Variants in FLNA observed in about 807,000 individuals in gnomAD.
FLNA encodes the protein filamin-A.
FLNA carries 7 observed loss-of-function variants against 157.6 expected under a neutral mutation model. The ratio of observed to expected loss-of-function variants is 0.04; its 90% confidence interval spans 0.03 to 0.08. The LOEUF (loss-of-function observed/expected upper bound fraction) is 0.08. Ranked by LOEUF, FLNA falls within the 10% of genes least tolerant of loss-of-function variation. The pLI, the probability that FLNA is intolerant of heterozygous loss-of-function variation, is 1.00. For missense variants in FLNA, 1,750 were observed against 2,398.4 expected (o/e 0.73, Z 5.65); for synonymous variants, 1,103 against 1,060.8 (o/e 1.04, Z -0.77).
Position 154,362,185 on chromosome X carries a change from C to T in FLNA, c.2657-37G>A, listed in dbSNP as rs1557178177. The T allele has an allele frequency of 3.3e-6, 4 of 1,209,162 alleles. No homozygotes were observed. In the South Asian group the frequency reaches 7.0e-5, roughly 21 times the overall value. ...ACAGGGACCATGTAGGGGCACCCTGCCCCAAGCCCTCCTACCCTTGATGCC... is the reference window on the plus strand; with the variant it reads ...ACAGGGACCATGTAGGGGCACCCTGTCCCAAGCCCTCCTACCCTTGATGCC... On this transcript the variant is annotated intron_variant, in intron 18 of 47. Transcript: ENST00000369850.
At chrX:154,356,262 C>T (rs941297556) in intron 30 of FLNA, among the ~76,000 whole-genome samples, 54 of 112,076 alleles carry the variant, frequency 4.8e-4, no homozygotes, top group African/African-American at 1.7e-3. Flanking sequence ...AGCCCCGTGG[C>T]CGTCAAGCTT....
chrX:154,353,760 T>C lies in FLNA; in HGVS notation c.5687-33A>G, dbSNP rs374066081. ...GAGCCGTGGGTGAGCATGGGAACTATGCTGGGGACACTCCAGTTGGCCTGC... is the reference window on the plus strand; with the variant it reads ...GAGCCGTGGGTGAGCATGGGAACTACGCTGGGGACACTCCAGTTGGCCTGC... On this transcript the variant is annotated intron_variant, in intron 35 of 47. Transcript: ENST00000369850. The C allele has an allele frequency of 5.8e-6, 7 of 1,200,619 alleles. No homozygotes were observed. The African/African-American group carries it at 8.7e-5, about 15-fold the overall frequency.
chrX:154,365,716 C>G (rs781886011), intron 9 of FLNA, among the ~76,000 whole-genome samples: 4 of 111,079 alleles, frequency 3.6e-5, no homozygotes, highest in East Asian at 5.7e-4. Flanking sequence ...CCACCCTCCC[C>G]CTTCCAAGAA....
At position 154,358,452 on chromosome X, in the gene FLNA, G is replaced by T; in HGVS notation, c.4591C>A (p.Pro1531Thr). 1 of 1,211,297 alleles carries T rather than the reference G, an allele frequency of 8.3e-7. No individual in the cohort carries two copies. The highest frequency in any genetic ancestry group is 1.1e-6 in the Non-Finnish European group (1 of 895,367). The change falls in exon 27 of 48, where the codon CCC becomes ACC. Residue 1531 changes from proline (P) to threonine (T), a missense_variant. By Grantham distance (38) the Pro-to-Thr change is conservative (BLOSUM62 -1). Transcript: ENST00000369850. Reference sequence around the variant, plus strand: ...GCAGGCCCTGCCTCTTACCTCCGGGGTACCTCTTCATCTCCATACAGTACT... The same window carrying T: ...GCAGGCCCTGCCTCTTACCTCCGGGTTACCTCTTCATCTCCATACAGTACT... The part of the protein sequence containing the change: ...ISVLYGDEEV[P>T]RSPFKVKVLP...
chrX:154,359,364 G>A lies in FLNA; in HGVS notation c.4185C>T (p.Pro1395=). 1 of 1,211,480 alleles carries A rather than the reference G, an allele frequency of 8.3e-7. No homozygotes were observed. Among genetic ancestry groups the A allele is most frequent in the Non-Finnish European group, 1.1e-6 (1 of 895,571 alleles). ...TGGLGLAVEG[P]SEAKMSCMDN... ...CCATGCAGGACATCTTGGCCTCGGA[G>A]GGGCCCTCTACAGCCAGGCCCAGGC... The change falls in exon 25 of 48, where the codon CCC becomes CCT. Residue 1395 remains proline (P), a synonymous_variant. Coordinates refer to ENST00000369850, the MANE Select transcript of FLNA (RefSeq NM_001110556.2).
intron 9 of FLNA, 63 bp from the exon 10 acceptor site, chrX:154,365,549 C>A: frequency 2.6e-6 from 3 of 1,169,318 alleles, no homozygotes; most frequent in South Asian, 1.8e-5. Context: ...CCTTGCCTCC[C>A]ACAGGGCCGG....
chrX:154,353,801 T>C (rs1557176294), intron 35 of FLNA, 74 bp from the exon 36 acceptor site: 1 of 1,192,850 alleles, frequency 8.4e-7, no homozygotes, highest in African/African-American at 1.8e-5. Context: ...GGAGCTCCGA[T>C]GGCCAGGGCA....
chrX:154,363,127 A>T (rs1352785125), intron 15 of FLNA, among the ~76,000 whole-genome samples: 1 of 112,556 alleles, frequency 8.9e-6, no homozygotes, highest in African/African-American at 3.2e-5. Flanking sequence ...CATAAAAATA[A>T]ATGAAGCGGC....
chrX:154,357,943 T>C (rs2067675603), intron 28 of FLNA, among the ~76,000 whole-genome samples: 1 of 112,168 alleles, frequency 8.9e-6, no homozygotes, highest in Non-Finnish European at 1.9e-5. Flanking sequence ...CATGAGAATA[T>C]TACAGGTGGG....
intron 30 of FLNA, among the ~76,000 whole-genome samples, chrX:154,355,754 G>A (rs2067657888): frequency 1.8e-5 from 2 of 113,075 alleles, no homozygotes. Context: ...ACCACTGCTG[G>A]GTTGCGAGGG....
chrX:154,368,163 G>T, intron 2 of FLNA, 73 bp from the exon 3 acceptor site: 1 of 1,200,434 alleles, frequency 8.3e-7, no homozygotes, highest in Non-Finnish European at 1.1e-6. Flanking sequence ...TTGGGGTCAG[G>T]GTCTGGCAGC....
chrX:154,367,598 C>G (rs782011432), intron 4 of FLNA, 43 bp downstream of exon 4: 22 of 1,209,319 alleles, frequency 1.8e-5, no homozygotes, highest in Middle Eastern at 2.3e-4. Flanking sequence ...TCCCAACTGC[C>G]GATCCGGTCC....
Position 154,351,641 on chromosome X carries a change from G to A in FLNA, c.6963C>T (p.Phe2321=), listed in dbSNP as rs2067620394. The stretch of plus-strand genomic sequence containing the variant: ...CAGACGGAGAAGCCACAGGCACCAC[G>A]AAGGGGCTGTCGGGAATGTGTTCCT... ...FNEEHIPDSP[F]VVPVASPSGD... Residue 2321 remains phenylalanine (F), a synonymous_variant, in exon 43 of 48, where the codon TTC becomes TTT. Transcript: ENST00000369850. 4 of 1,209,984 alleles carry A rather than the reference G, an allele frequency of 3.3e-6. No homozygotes were observed. Among genetic ancestry groups the A allele is most frequent in the South Asian group, 1.8e-5 (1 of 56,974 alleles).
At position 154,367,404 on chromosome X, in the gene FLNA, G is replaced by A. The variant is rs375503410; in HGVS notation, c.861C>T (p.Tyr287=). ...CTGGTGGGGCTCCCTCACCTGGCCC[G>A]TAGGCACGGGCTTTCTTCGGGTTCA... ...PKLNPKKARA[Y]GPGIEPTGNM... Residue 287 remains tyrosine (Y), a synonymous_variant, in exon 5 of 48, where the codon TAC becomes TAT. Transcript: ENST00000369850. The A allele has an allele frequency of 3.2e-4, 389 of 1,209,906 alleles. 1 individual carries two copies. Among genetic ancestry groups the A allele is most frequent in the African/African-American group, 5.2e-4 (30 of 57,438 alleles).
chrX:154,372,361 C>G (rs2067814903), intron 1 of FLNA, among the ~76,000 whole-genome samples: 1 of 112,564 alleles, frequency 8.9e-6, no homozygotes, highest in Non-Finnish European at 1.9e-5. Context: ...AGTGGCATTC[C>G]AGACCCAGAG....
Position 154,348,973 on chromosome X carries a change from T to C in FLNA, c.7820A>G (p.Lys2607Arg). 8.3e-7 allele frequency: 1 copy of C among 1,211,489 alleles called. No individual in the cohort carries two copies. Among genetic ancestry groups the C allele is most frequent in the Non-Finnish European group, 1.1e-6 (1 of 895,353 alleles). Residue 2607 changes from lysine to arginine, a missense_variant, in exon 48 of 48, where the codon AAG becomes AGG. Coordinates refer to ENST00000369850, the MANE Select transcript of FLNA (RefSeq NM_001110556.2). Reference sequence around the variant, plus strand: ...GCTGTAGAGCCGGCTGCCCACGTGCTTCACCAGGATCTCCTCGCAGGGGGT... The same window carrying C: ...GCTGTAGAGCCGGCTGCCCACGTGCCTCACCAGGATCTCCTCGCAGGGGGT... ...PRTPCEEILV[K>R]HVGSRLYSVS... is the part of the protein sequence containing the mutation.
rs782093097 is a variant in FLNA, at chrX:154,373,420, G to A, written c.-117+1086C>T. On this transcript the variant is annotated intron_variant, in intron 1 of 47. Coordinates refer to ENST00000369850, the MANE Select transcript of FLNA (RefSeq NM_001110556.2). The stretch of plus-strand genomic sequence containing the variant: ...TATTTAGAGGAAACAAGGAATGGGC[G>A]TGTAGAGGGTTCTTGTCCCTAGAAC... 4.4e-5 allele frequency among the ~76,000 whole-genome samples: 5 copies of A among 112,554 alleles called. No individual in the cohort carries two copies. In the East Asian group the frequency reaches 8.3e-4, roughly 19 times the overall value.
At position 154,353,303 on chromosome X, in the gene FLNA, G is replaced by T; in HGVS notation, c.6015C>A (p.Gly2005=). 3 of 1,211,828 alleles carry T rather than the reference G, an allele frequency of 2.5e-6. No homozygotes were observed. Among genetic ancestry groups the T allele is most frequent in the Non-Finnish European group, 3.3e-6 (3 of 895,580 alleles). ...EPCLLKRLRN[G]HVGISFVPKE... ...GACCCTTCAGCCGCTTACCCACGTG[G>T]CCATTACGCAGCCGCTTCAGCAAAC... The change falls in exon 37 of 48, where the codon GGC becomes GGA. Residue 2005 remains glycine, a synonymous_variant. Transcript: ENST00000369850.
In FLNA at chrX:154,354,202, C is replaced by T. The variant is rs1557176399; in HGVS notation, c.5506G>A (p.Glu1836Lys). The T allele has an allele frequency of 2.5e-6, 3 of 1,211,591 alleles. No homozygotes were observed. The highest frequency in any genetic ancestry group is 3.3e-6 in the Non-Finnish European group (3 of 895,580). ...ATGTCCATCTCGTGCAGGCCAGCCT[C>T]GCTGGGTGCATACCGCACGGTCACG... Reference protein sequence around the residue: ...GTVTVRYAPSEAGLHEMDIRY... With the variant: ...GTVTVRYAPSKAGLHEMDIRY... Residue 1836 changes from glutamate to lysine, a missense_variant, in exon 34 of 48, where the codon GAG becomes AAG. Glu to Lys is a moderately conservative substitution (Grantham distance 56). Around this residue, in one of 5 missense-constraint regions of FLNA, gnomAD observed 970 missense variants for 1,302.6 expected, o/e 0.74. Transcript: ENST00000369850.
Sources: gnomAD v4.1 joint callset for allele counts (sites outside exome capture counted in the v4.1 genomes callset) on GRCh38, gnomAD v4.1.1 for gene constraint, gnomAD v4.1.1 regional missense constraint, MANE v1.5 for transcripts, NCBI Gene and HGNC (gene_info 2026-07-23, HGNC 2026-07-21) for gene names.